Variants in CAMK2G observed in about 807,000 individuals in gnomAD.
The protein encoded by CAMK2G is calcium/calmodulin dependent protein kinase II gamma, also known as calcium/calmodulin-dependent protein kinase type II subunit gamma.
CAMK2G carries 23 observed loss-of-function variants against 88.7 expected under a neutral mutation model. That is an observed-to-expected ratio of 0.26 (90% CI 0.19 to 0.37). The LOEUF is 0.37. Among genes scored for constraint, CAMK2G ranks in the 10% least tolerant of loss-of-function variants. The pLI, the probability that CAMK2G is intolerant of heterozygous loss-of-function variation, is 1.00. For missense variants in CAMK2G, 476 were observed against 780.8 expected, an observed-to-expected ratio of 0.61 and a Z score of 4.65; for synonymous variants, 263 against 294.8, an observed-to-expected ratio of 0.89 and a Z score of 1.11.
chr10:73,846,150 T>C (rs2094225166), intron 10 of CAMK2G, among the ~76,000 whole-genome samples: 1 of 152,198 alleles, frequency 6.6e-6, no homozygotes, highest in Non-Finnish European at 1.5e-5. Context: ...AACCCTTAAA[T>C]GATTCCCTAT....
At chr10:73,831,488 A>G (rs2092419981) in intron 14 of CAMK2G, among the ~76,000 whole-genome samples, 1 of 149,850 alleles carries the variant, frequency 6.7e-6, no homozygotes, top group South Asian at 2.1e-4. Context: ...CAGTGAGCCA[A>G]GACCATGCCA....
chr10:73,833,021 G>A (rs575016759), intron 14 of CAMK2G, among the ~76,000 whole-genome samples: 25 of 149,058 alleles, frequency 1.7e-4, no homozygotes, highest in Non-Finnish European at 3.3e-4. Flanking sequence ...CTGGAGCGCA[G>A]TGGTGTGATC....
At chr10:73,873,913 G>A (rs1277107072) in intron 1 of CAMK2G, among the ~76,000 whole-genome samples, 4 of 144,576 alleles carry the variant, frequency 2.8e-5, no homozygotes, top group African/African-American at 1.0e-4. Flanking sequence ...GCCCAGCCGC[G>A]GGGCTGGGAG....
rs745981605 is a variant in CAMK2G at position 73,837,549 on chromosome 10, G to A, written c.1010-38C>T. ...AGAGGAATATCAAGTCTCCTGCATTGTACCCTCTCCCCAACCTGAAGTCCG... is the reference window on the plus strand; with the variant it reads ...AGAGGAATATCAAGTCTCCTGCATTATACCCTCTCCCCAACCTGAAGTCCG... On this transcript the variant is annotated intron_variant, in intron 13 of 22. Transcript: ENST00000423381. 7 of 1,550,972 alleles carry A rather than the reference G, an allele frequency of 4.5e-6. No homozygotes were observed. The African/African-American group carries it at 8.1e-5, about 18-fold the overall frequency.
intron 18 of CAMK2G, among the ~76,000 whole-genome samples, chr10:73,820,464 T>TTATATATATATATATA (rs71483976): frequency 6.7e-5 from 5 of 74,080 alleles, no homozygotes; most frequent in African/African-American, 2.8e-4. Flanking sequence ...GGTTTTATAT[T>TTATATATATATATATA]TATATATATA....
chr10:73,824,702 C>A (rs2090329078), intron 16 of CAMK2G, among the ~76,000 whole-genome samples: 1 of 152,230 alleles, frequency 6.6e-6, no homozygotes, highest in South Asian at 2.1e-4. Flanking sequence ...CCCCTGCTGA[C>A]TCTCTAGTTA....
chr10:73,817,357 T>C, intron 20 of CAMK2G, 122 bp downstream of exon 20: 1 of 837,416 alleles, frequency 1.2e-6, no homozygotes. Flanking sequence ...AGGAGAGGGC[T>C]TAACTCAGAT....
chr10:73,873,990 G>GC lies in CAMK2G; in HGVS notation c.65+406dup, dbSNP rs2095972106. 2.6e-5 allele frequency among the ~76,000 whole-genome samples: 4 copies of GC among 151,462 alleles called. No individual in the cohort carries two copies. In the South Asian group the frequency reaches 8.3e-4, roughly 31 times the overall value. ...AGCCCCCCCACGCCCGGGCTCCGCA[G>GC]CAGAGCTAGGGCTGCAGGGCTGGGG... On this transcript the variant is annotated intron_variant, in intron 1 of 22. Transcript: ENST00000423381.
intron 2 of CAMK2G, among the ~76,000 whole-genome samples, chr10:73,866,918 C>T (rs894445907): frequency 6.6e-6 from 1 of 152,234 alleles, no homozygotes; most frequent in African/African-American, 2.4e-5. Context: ...CGACCTCACC[C>T]TGACACTGTG....
chr10:73,855,191 G>A (rs940254063), intron 3 of CAMK2G, among the ~76,000 whole-genome samples: 5 of 152,244 alleles, frequency 3.3e-5, no homozygotes, highest in East Asian at 1.9e-4. Flanking sequence ...CATTGCCTCC[G>A]CCCCACTCAC....
chr10:73,844,558 C>T (rs1457271848), intron 10 of CAMK2G, among the ~76,000 whole-genome samples: 2 of 152,046 alleles, frequency 1.3e-5, no homozygotes, highest in African/African-American at 4.8e-5. Context: ...TAGGTGTGTA[C>T]CAACATACCC....
intron 5 of CAMK2G, among the ~76,000 whole-genome samples, chr10:73,851,999 A>G (rs1436826271): frequency 6.6e-6 from 1 of 152,166 alleles, no homozygotes; most frequent in Non-Finnish European, 1.5e-5. Flanking sequence ...CAACTGCCTC[A>G]GCCTCCCAAA....
chr10:73,848,715 A>T lies in CAMK2G; in HGVS notation c.518-106T>A. 1.4e-6 allele frequency: 1 copy of T among 705,438 alleles called. No homozygotes were observed. The allele number at this position is 705,438 out of a possible 1,614,324, so 43.7% of individuals were successfully genotyped here. On this transcript the variant is annotated intron_variant, in intron 7 of 22. Transcript: ENST00000423381. The surrounding 1 kb of genome is among the most constrained non-coding windows in gnomAD (Gnocchi z 4.5). ...CCATCTTATTCCTGCTGCTTTTGCT[A>T]CATAAACTCTCAGCACATGGGCAGC...
chr10:73,815,346 C>CCAAGATGATTCTGGT (rs1160574688), intron 21 of CAMK2G, 99 bp from the exon 22 acceptor site: 11 of 813,258 alleles, frequency 1.4e-5, no homozygotes, highest in Non-Finnish European at 2.2e-5. Context: ...CCCAAGCAAC[C>CCAAGATGATTCTGGT]ACTCCCAGAA....
At chr10:73,816,903 G>T (rs746641671) in intron 21 of CAMK2G, 120 bp downstream of exon 21, 1 of 1,610,276 alleles carries the variant, frequency 6.2e-7, no homozygotes, top group Admixed American at 1.7e-5. Flanking sequence ...CAGAGTAGGA[G>T]TGCAGCACGA....
At chr10:73,861,432 T>C (rs2095368306) in intron 2 of CAMK2G, among the ~76,000 whole-genome samples, 1 of 152,150 alleles carries the variant, frequency 6.6e-6, no homozygotes, top group African/African-American at 2.4e-5. Flanking sequence ...CTCAGCTCAC[T>C]GCAACCTTCG....
rs1434825845 is a variant in CAMK2G, at chr10:73,814,466, C to G, written c.*52G>C. The G allele has an allele frequency of 6.5e-6, 1 of 154,174 alleles. No individual in the cohort carries two copies. The highest frequency in any genetic ancestry group is 1.9e-4 in the East Asian group (1 of 5,252). The allele number at this position is 154,174 out of a possible 1,614,324, so 9.6% of individuals were successfully genotyped here. On this transcript the variant is annotated 3_prime_UTR_variant, in exon 23 of 23. Transcript: ENST00000423381. ...CACTCAGGCCCTCCAGAGCCACTGG[C>G]TGCGAAGGTTGGACCTCCGGCTGGA...
chr10:73,833,500 C>A (rs986167213), intron 14 of CAMK2G, among the ~76,000 whole-genome samples: 6 of 152,112 alleles, frequency 3.9e-5, no homozygotes, highest in African/African-American at 1.4e-4. Context: ...ATTTGCATTT[C>A]TCTGATACTA....
chr10:73,819,391 C>G (rs1221042089), intron 19 of CAMK2G, 141 bp downstream of exon 19: 1 of 675,206 alleles, frequency 1.5e-6, no homozygotes, highest in South Asian at 1.7e-5. Flanking sequence ...CAGTCTACCC[C>G]CCACCCCCAG....
Sources: allele counts gnomAD v4.1 joint callset (sites outside exome capture counted in the v4.1 genomes callset), GRCh38; gene constraint gnomAD v4.1.1; non-coding constraint Gnocchi (gnomAD v3.1); transcripts MANE v1.5; gene names NCBI Gene and HGNC (gene_info 2026-07-23, HGNC 2026-07-21).